KDM7A: variants seen among roughly 807,000 people sequenced by gnomAD.
KDM7A encodes lysine-specific demethylase 7A.
KDM7A carries 28 observed loss-of-function variants against 114.8 expected under a neutral mutation model. The ratio of observed to expected loss-of-function variants is 0.24; its 90% CI spans 0.18 to 0.33. The LOEUF is 0.33. KDM7A is among the 10% of genes least tolerant of loss of function. The pLI is 1.00. For synonymous variants in KDM7A, 423 were observed against 397.8 expected (o/e 1.06, Z -0.75); for missense variants, 942 against 1,142.5 (o/e 0.82, Z 2.53).
rs1029175313 is a variant in KDM7A, at chr7:140,114,970, C to T, written c.1247-1388G>A. The stretch of plus-strand genomic sequence containing the variant: ...TTCTGATAACTGAGGAGCCCCTCCG[C>T]CCGGCAGCCGCCCCATCCGGGAAGT... On this transcript the variant is annotated intron_variant, in intron 9 of 19. Coordinates refer to ENST00000397560, the MANE Select transcript of KDM7A (RefSeq NM_030647.2). Among the ~76,000 whole-genome samples, 4 of 151,892 alleles carry T rather than the reference C, an allele frequency of 2.6e-5. No homozygotes were observed. The South Asian group carries it at 6.2e-4, about 24-fold the overall frequency.
intron 1 of KDM7A, among the ~76,000 whole-genome samples, chr7:140,155,748 C>A (rs1208456227): frequency 6.6e-6 from 1 of 152,184 alleles, no homozygotes; most frequent in African/African-American, 2.4e-5. Context: ...AGTCCAGCAG[C>A]CCACATGGCA....
chr7:140,140,804 C>T (rs1794263738), intron 1 of KDM7A, among the ~76,000 whole-genome samples: 1 of 150,624 alleles, frequency 6.6e-6, no homozygotes, highest in African/African-American at 2.4e-5. Context: ...ATTCAGTGTT[C>T]TAGTGAACAC....
chr7:140,112,486 C>T (rs1192974117), intron 10 of KDM7A, among the ~76,000 whole-genome samples: 1 of 152,046 alleles, frequency 6.6e-6, no homozygotes, highest in Non-Finnish European at 1.5e-5. Context: ...TGGTGCGTGC[C>T]TGTAGTCCCA....
intron 1 of KDM7A, among the ~76,000 whole-genome samples, chr7:140,173,493 G>A (rs1254436289): frequency 6.6e-6 from 1 of 152,082 alleles, no homozygotes; most frequent in Non-Finnish European, 1.5e-5. Context: ...TGTCAGAAAC[G>A]CCAGGCAGAA....
Position 140,145,763 on chromosome 7 carries a change from C to G in KDM7A, c.195-6573G>C, listed in dbSNP as rs372811213. Among the ~76,000 whole-genome samples the G allele has an allele frequency of 5.9e-5, 9 of 152,192 alleles. No homozygotes were observed. The East Asian group carries it at 1.4e-3, about 23-fold the overall frequency. On this transcript the variant is annotated intron_variant, in intron 1 of 19. Coordinates refer to ENST00000397560, the MANE Select transcript of KDM7A (RefSeq NM_030647.2). Reference sequence around the variant, plus strand: ...TCTCACCTTGACCATGGCCACATTCCTCACTCCTAAGAAGTGACTGTGACA... The same window carrying G: ...TCTCACCTTGACCATGGCCACATTCGTCACTCCTAAGAAGTGACTGTGACA...
intron 1 of KDM7A, among the ~76,000 whole-genome samples, chr7:140,165,414 T>C (rs780298672): frequency 1.1e-4 from 16 of 152,368 alleles, no homozygotes; most frequent in Middle Eastern, 3.4e-3. Context: ...TTCTTCACAG[T>C]AGCTAATGAT....
At chr7:140,122,647 G>A (rs781489693) in intron 7 of KDM7A, among the ~76,000 whole-genome samples, 3 of 152,164 alleles carry the variant, frequency 2.0e-5, no homozygotes, top group South Asian at 2.1e-4. Context: ...CACAGTTCTC[G>A]AAACCACTGG....
At chr7:140,124,491 A>G (rs1818666845) in intron 7 of KDM7A, 130 bp downstream of exon 7, 1 of 616,546 alleles carries the variant, frequency 1.6e-6, no homozygotes, top group East Asian at 3.1e-5. Flanking sequence ...AAAGTCCAAG[A>G]TCAGAATTAT....
intron 1 of KDM7A, among the ~76,000 whole-genome samples, chr7:140,142,878 A>C (rs1794299184): frequency 6.7e-6 from 1 of 149,818 alleles, no homozygotes; most frequent in African/African-American, 2.5e-5. Flanking sequence ...TTCTCATAAC[A>C]GAAATCTATA....
chr7:140,133,744 A>G (rs1232727004), intron 2 of KDM7A, 88 bp from the exon 3 acceptor site: 5 of 722,636 alleles, frequency 6.9e-6, no homozygotes, highest in Non-Finnish European at 1.2e-5. Context: ...ATAATCAGAA[A>G]TAACAATTGT....
chr7:140,174,637 T>C (rs903629598), intron 1 of KDM7A, among the ~76,000 whole-genome samples: 1 of 152,204 alleles, frequency 6.6e-6, no homozygotes, highest in Non-Finnish European at 1.5e-5. Flanking sequence ...AGTCTCACTC[T>C]GTCGCCAGGC....
intron 1 of KDM7A, among the ~76,000 whole-genome samples, chr7:140,147,857 A>G (rs1454571283): frequency 1.3e-5 from 2 of 152,198 alleles, no homozygotes; most frequent in Admixed American, 1.3e-4. Context: ...GTAGAATTAG[A>G]AAGACTTGAT....
At chr7:140,136,038 C>T (rs1052026992) in intron 2 of KDM7A, among the ~76,000 whole-genome samples, 1 of 152,154 alleles carries the variant, frequency 6.6e-6, no homozygotes, top group African/African-American at 2.4e-5. Flanking sequence ...CAGTTCACTG[C>T]AGCCTCAAGC....
intron 1 of KDM7A, among the ~76,000 whole-genome samples, chr7:140,158,908 A>G (rs1041190940): frequency 6.6e-6 from 1 of 152,224 alleles, no homozygotes. Flanking sequence ...TTTCCTAGGA[A>G]AGGAAAAAAA....
At chr7:140,160,662 G>T (rs1430163812) in intron 1 of KDM7A, among the ~76,000 whole-genome samples, 1 of 152,212 alleles carries the variant, frequency 6.6e-6, no homozygotes, top group Non-Finnish European at 1.5e-5. Flanking sequence ...TGATCCTGAG[G>T]GAGAGTGGTG....
rs913428400 is a variant in KDM7A at position 140,101,964 on chromosome 7, C to T, written c.1625G>A (p.Cys542Tyr). 1 of 1,610,460 alleles carries T rather than the reference C, an allele frequency of 6.2e-7. No individual in the cohort carries two copies. Among genetic ancestry groups the T allele is most frequent in the South Asian group, 1.1e-5 (1 of 91,004 alleles). ...TREVLKRLEM[C>Y]PWEEDILSSK... ...CATAATACTTGCCTCTTCCCATGGA[C>T]ACATCTCTAATCTTTTGAGGACCTC... The change falls in exon 12 of 20, where the codon TGT (cysteine) becomes TAT (tyrosine). Residue 542 changes from cysteine to tyrosine, a missense_variant. Transcript: ENST00000397560.
At chr7:140,106,597 T>C (rs532032659) in intron 11 of KDM7A, among the ~76,000 whole-genome samples, 34 of 152,348 alleles carry the variant, frequency 2.2e-4, no homozygotes, top group African/African-American at 7.7e-4. Flanking sequence ...TTGTGCAGTT[T>C]TGAGTGAGTT....
chr7:140,153,168 C>T (rs1437044640), intron 1 of KDM7A, among the ~76,000 whole-genome samples: 1 of 151,434 alleles, frequency 6.6e-6, no homozygotes, highest in Non-Finnish European at 1.5e-5. Context: ...GTCACGTGAT[C>T]GATGACAGGC....
At chr7:140,174,391 G>A (rs757962288) in intron 1 of KDM7A, among the ~76,000 whole-genome samples, 1 of 152,002 alleles carries the variant, frequency 6.6e-6, no homozygotes, top group Non-Finnish European at 1.5e-5. Context: ...GGGCATATTT[G>A]TTTTGGCCTT....
Sources: gnomAD v4.1 joint callset for allele counts (sites outside exome capture counted in the v4.1 genomes callset) on GRCh38, gnomAD v4.1.1 for gene constraint, MANE v1.5 for transcripts, NCBI Gene and HGNC (gene_info 2026-07-23, HGNC 2026-07-21) for gene names.